The following FBXO36 variants were observed in gnomAD, a reference collection of about 807,000 sequenced individuals.
FBXO36 encodes F-box only protein 36.
Under a neutral mutation model 17.0 loss-of-function variants are expected in FBXO36, and 18 were observed. The ratio of observed to expected loss-of-function variants is 1.06; its 90% CI spans 0.73 to 1.57. The LOEUF is 1.57. Ranked by LOEUF, FBXO36 falls within the 40% of genes most tolerant of loss-of-function variation. The pLI is 0.00. For synonymous variants in FBXO36, 83 were observed against 85.3 expected (o/e 0.97, Z 0.15); for missense variants, 229 against 221.9 (o/e 1.03, Z -0.20).
At chr2:229,924,630 C>T (rs934110730) in intron 1 of FBXO36, among the ~76,000 whole-genome samples, 2 of 152,116 alleles carry the variant, frequency 1.3e-5, no homozygotes, top group Non-Finnish European at 2.9e-5. Context: ...GGCTGAGTAT[C>T]TTGTTACCTT....
intron 3 of FBXO36, among the ~76,000 whole-genome samples, chr2:230,007,887 C>G (rs1388709370): frequency 3.3e-5 from 5 of 152,134 alleles, no homozygotes; most frequent in African/African-American, 9.7e-5. Flanking sequence ...TGCCACCACC[C>G]CTGGCTAATT....
chr2:229,937,405 G>C (rs1329010433), intron 1 of FBXO36, among the ~76,000 whole-genome samples: 2 of 152,148 alleles, frequency 1.3e-5, no homozygotes, highest in Non-Finnish European at 2.9e-5. Flanking sequence ...TGAGGCAGGA[G>C]AATCACTTGA....
intron 1 of FBXO36, among the ~76,000 whole-genome samples, chr2:229,924,162 C>T (rs2076889413): frequency 6.6e-6 from 1 of 152,200 alleles, no homozygotes. Context: ...GCGATCTCAG[C>T]TCACTGCAAC....
chr2:229,928,009 G>A (rs1028008828), intron 1 of FBXO36, among the ~76,000 whole-genome samples: 1 of 152,172 alleles, frequency 6.6e-6, no homozygotes, highest in African/African-American at 2.4e-5. Flanking sequence ...TGTAAATGCA[G>A]TCTAATAAAA....
chr2:229,964,140 G>C (rs2077138943), intron 1 of FBXO36, among the ~76,000 whole-genome samples: 1 of 151,722 alleles, frequency 6.6e-6, no homozygotes, highest in Non-Finnish European at 1.5e-5. Flanking sequence ...AATGTTAATT[G>C]CAAATGTTTT....
intron 2 of FBXO36, among the ~76,000 whole-genome samples, chr2:229,984,677 C>A (rs549523178): frequency 1.3e-5 from 2 of 152,010 alleles, no homozygotes; most frequent in Non-Finnish European, 2.9e-5. Context: ...CGTGAGCCAC[C>A]GCGCCCAGCC....
chr2:229,954,233 G>GTTTTTTTT (rs1283205428), intron 1 of FBXO36, among the ~76,000 whole-genome samples: 4 of 33,146 alleles, frequency 1.2e-4, no homozygotes, highest in South Asian at 2.7e-3. Flanking sequence ...AAACCCTTTG[G>GTTTTTTTT]ATTTTTTTTT....
intron 1 of FBXO36, among the ~76,000 whole-genome samples, chr2:229,975,942 A>AAG (rs1237242666): frequency 6.6e-6 from 1 of 151,966 alleles, no homozygotes; most frequent in Non-Finnish European, 1.5e-5. Context: ...CAAGTAGCTC[A>AAG]AGTGATCCAC....
At chr2:229,940,796 G>C (rs1451441067) in intron 1 of FBXO36, among the ~76,000 whole-genome samples, 2 of 152,166 alleles carry the variant, frequency 1.3e-5, no homozygotes, top group African/African-American at 4.8e-5. Context: ...CATGGCCTTA[G>C]TAACACCGCG....
At chr2:229,923,680 A>C (rs910177884) in intron 1 of FBXO36, among the ~76,000 whole-genome samples, 1 of 151,690 alleles carries the variant, frequency 6.6e-6, no homozygotes, top group Non-Finnish European at 1.5e-5. Context: ...TCCAAAAAAA[A>C]TTTTTTTTAA....
At chr2:229,937,074 T>C (rs1011101023) in intron 1 of FBXO36, among the ~76,000 whole-genome samples, 1 of 152,096 alleles carries the variant, frequency 6.6e-6, no homozygotes, top group Non-Finnish European at 1.5e-5. Flanking sequence ...ATAGGTCATA[T>C]CATTATTTTA....
intron 1 of FBXO36, among the ~76,000 whole-genome samples, chr2:229,949,796 G>A (rs1462440575): frequency 6.6e-6 from 1 of 152,074 alleles, no homozygotes; most frequent in Non-Finnish European, 1.5e-5. Flanking sequence ...GTGGTGGCGG[G>A]CGCCTGTAGT....
chr2:229,992,553 C>G (rs2106207267), intron 2 of FBXO36, among the ~76,000 whole-genome samples: 1 of 152,312 alleles, frequency 6.6e-6, no homozygotes, highest in Admixed American at 6.5e-5. Context: ...CACCAACCCT[C>G]TCGTCACACT....
intron 3 of FBXO36, among the ~76,000 whole-genome samples, chr2:230,001,539 C>T (rs761223272): frequency 5.9e-5 from 9 of 152,146 alleles, no homozygotes; most frequent in Non-Finnish European, 7.3e-5. Context: ...CCACCTGCCT[C>T]GGCCTCCCAA....
At chr2:229,962,746 C>T (rs771741926) in intron 1 of FBXO36, among the ~76,000 whole-genome samples, 7 of 151,818 alleles carry the variant, frequency 4.6e-5, no homozygotes, top group African/African-American at 9.7e-5. Context: ...GGTGCGATCT[C>T]GGCTCACTTC....
chr2:229,925,883 CAAAT>C (rs2076909469), intron 1 of FBXO36, among the ~76,000 whole-genome samples: 1 of 151,918 alleles, frequency 6.6e-6, no homozygotes, highest in African/African-American at 2.4e-5. Context: ...GGGTTTTATT[CAAAT>C]AAATAACTTT....
intron 2 of FBXO36, among the ~76,000 whole-genome samples, chr2:229,989,727 ATTT>A (rs11313146): frequency 1.2e-4 from 15 of 120,852 alleles, no homozygotes; most frequent in Middle Eastern, 4.2e-3. Flanking sequence ...CGCCTGGCTA[ATTT>A]TTTTTTTTTT....
intron 1 of FBXO36, among the ~76,000 whole-genome samples, chr2:229,963,216 C>T (rs971896093): frequency 6.6e-6 from 1 of 151,924 alleles, no homozygotes; most frequent in Non-Finnish European, 1.5e-5. Context: ...CAGGCACCTG[C>T]CACCACACCC....
At chr2:229,935,138 C>T (rs181434106) in intron 1 of FBXO36, among the ~76,000 whole-genome samples, 51 of 152,312 alleles carry the variant, frequency 3.3e-4, no homozygotes, top group African/African-American at 1.1e-3. Context: ...CAGAGGAAAG[C>T]ATCTGTCATC....
Sources: gnomAD v4.1 joint callset for allele counts (sites outside exome capture counted in the v4.1 genomes callset) on GRCh38, gnomAD v4.1.1 for gene constraint, MANE v1.5 for transcripts, NCBI Gene and HGNC (gene_info 2026-07-23, HGNC 2026-07-21) for gene names.